Variants in DPP10 observed in about 807,000 individuals in gnomAD.
DPP10 encodes the protein dipeptidyl peptidase like 10, also known as inactive dipeptidyl peptidase 10.
A neutral mutation model predicts 120.9 loss-of-function variants in DPP10; 33 were observed. The observed-to-expected ratio is 0.27, with a 90% CI of 0.21 to 0.37. The LOEUF (loss-of-function observed/expected upper bound fraction) is 0.37. Ranked by LOEUF, DPP10 falls within the 10% of genes least tolerant of loss-of-function variation. The pLI is 1.00. For synonymous variants in DPP10, 337 were observed against 326.1 expected (o/e 1.03, Z -0.36); for missense variants, 816 against 942.8 (o/e 0.87, Z 1.76).
At chr2:115,316,672 T>C (rs2061808837) in intron 2 of DPP10, among the ~76,000 whole-genome samples, 1 of 152,206 alleles carries the variant, frequency 6.6e-6, no homozygotes, top group Non-Finnish European at 1.5e-5. Context: ...TTATATAAAA[T>C]TGTGTGTCAT....
intron 1 of DPP10, among the ~76,000 whole-genome samples, chr2:115,293,269 A>G (rs761021870): frequency 1.3e-5 from 2 of 152,138 alleles, no homozygotes; most frequent in African/African-American, 2.4e-5. Context: ...GTGAGTGAAC[A>G]TGAAATCAGG....
At chr2:115,432,149 G>A (rs970912175) in intron 3 of DPP10, among the ~76,000 whole-genome samples, 3 of 151,920 alleles carry the variant, frequency 2.0e-5, no homozygotes, top group Admixed American at 6.6e-5. Context: ...TTTCTACCCT[G>A]GGACTTATTG....
At chr2:114,905,575 C>G (rs1693898638) in intron 1 of DPP10, among the ~76,000 whole-genome samples, 1 of 151,912 alleles carries the variant, frequency 6.6e-6, no homozygotes, top group Non-Finnish European at 1.5e-5. Context: ...ATTTCATCAC[C>G]CAGGTTTTTA....
At chr2:115,161,762 G>C (rs918549939) in intron 1 of DPP10, 5 of 479,488 alleles carry the variant, frequency 1.0e-5, no homozygotes, top group African/African-American at 1.0e-4. Flanking sequence ...TGCGGTGGCC[G>C]AGGGAGGGAC....
At chr2:115,438,636 G>C (rs923186951) in intron 3 of DPP10, among the ~76,000 whole-genome samples, 1 of 152,202 alleles carries the variant, frequency 6.6e-6, no homozygotes, top group Admixed American at 6.6e-5. Flanking sequence ...GTGAAATAAA[G>C]CAGACACAAA....
intron 1 of DPP10, among the ~76,000 whole-genome samples, chr2:114,668,244 A>G (rs1243967267): frequency 6.6e-6 from 1 of 152,162 alleles, no homozygotes; most frequent in Non-Finnish European, 1.5e-5. Flanking sequence ...CTTGTGTATA[A>G]CTGGGGAGGC....
chr2:115,802,271 G>A (rs1685345247), intron 19 of DPP10, among the ~76,000 whole-genome samples: 1 of 152,206 alleles, frequency 6.6e-6, no homozygotes, highest in South Asian at 2.1e-4. Context: ...TGTGGGATCA[G>A]TGGTGATATC....
intron 1 of DPP10, among the ~76,000 whole-genome samples, chr2:114,537,875 A>G (rs917507094): frequency 3.3e-5 from 5 of 152,232 alleles, no homozygotes; most frequent in Admixed American, 1.3e-4. Flanking sequence ...GAACACAGAA[A>G]TGCCCAGGAT....
At chr2:115,422,657 G>A (rs2104696425) in intron 3 of DPP10, among the ~76,000 whole-genome samples, 1 of 152,114 alleles carries the variant, frequency 6.6e-6, no homozygotes, top group East Asian at 1.9e-4. Flanking sequence ...ATTAAAATAT[G>A]ATTTTAGTCC....
At chr2:115,798,556 A>G (rs1302418967) in intron 19 of DPP10, among the ~76,000 whole-genome samples, 2 of 152,104 alleles carry the variant, frequency 1.3e-5, no homozygotes, top group South Asian at 2.1e-4. Flanking sequence ...AAGTGTGTCT[A>G]TGATGATGGG....
At chr2:114,844,437 G>A (rs1688389774) in intron 1 of DPP10, among the ~76,000 whole-genome samples, 1 of 151,162 alleles carries the variant, frequency 6.6e-6, no homozygotes, top group Non-Finnish European at 1.5e-5. Context: ...TAGTATGGAG[G>A]TATTACCAGG....
At chr2:115,552,398 T>TTTG (rs1243319209) in intron 5 of DPP10, among the ~76,000 whole-genome samples, 1 of 152,034 alleles carries the variant, frequency 6.6e-6, no homozygotes, top group Non-Finnish European at 1.5e-5. Flanking sequence ...TACTCTGAAT[T>TTTG]TTGTCTTGTA....
At chr2:114,857,971 A>C (rs879494362) in intron 1 of DPP10, among the ~76,000 whole-genome samples, 7 of 151,952 alleles carry the variant, frequency 4.6e-5, no homozygotes, top group Admixed American at 4.6e-4. Context: ...GCTACTTGGC[A>C]TTTTTTTGTT....
intron 3 of DPP10, among the ~76,000 whole-genome samples, chr2:115,354,671 A>C (rs1216764724): frequency 6.6e-6 from 1 of 150,986 alleles, no homozygotes; most frequent in African/African-American, 2.4e-5. Context: ...TACCGCACCT[A>C]CTGATTTGTC....
chr2:114,507,778 A>G (rs1452465754), intron 1 of DPP10, among the ~76,000 whole-genome samples: 1 of 152,214 alleles, frequency 6.6e-6, no homozygotes, highest in Non-Finnish European at 1.5e-5. Flanking sequence ...CTTGATATCT[A>G]AAGTGGGAAT....
chr2:114,928,054 G>A (rs1445293889), intron 1 of DPP10, among the ~76,000 whole-genome samples: 1 of 152,144 alleles, frequency 6.6e-6, no homozygotes, highest in Non-Finnish European at 1.5e-5. Context: ...CTCCCATGAG[G>A]CCCCACCTCC....
intron 10 of DPP10, among the ~76,000 whole-genome samples, chr2:115,752,697 G>T (rs922046622): frequency 6.6e-6 from 1 of 152,054 alleles, no homozygotes. Context: ...TAATTATTAA[G>T]CCAGGAATAA....
chr2:114,565,043 T>C (rs1332642404), intron 1 of DPP10, among the ~76,000 whole-genome samples: 1 of 152,142 alleles, frequency 6.6e-6, no homozygotes, highest in Non-Finnish European at 1.5e-5. Flanking sequence ...ATATAAGCAA[T>C]ATACAAGCAA....
chr2:115,176,467 T>C (rs2053699324), intron 1 of DPP10, among the ~76,000 whole-genome samples: 1 of 151,854 alleles, frequency 6.6e-6, no homozygotes. Flanking sequence ...TTTATTAAAG[T>C]TAAGAGACTC....
Sources: allele counts gnomAD v4.1 joint callset (sites outside exome capture counted in the v4.1 genomes callset), GRCh38; gene constraint gnomAD v4.1.1; transcripts MANE v1.5; gene names NCBI Gene and HGNC (gene_info 2026-07-23, HGNC 2026-07-21).